The following LTBP1 variants were observed in gnomAD, a reference collection of about 807,000 sequenced individuals.
LTBP1 encodes latent transforming growth factor beta binding protein 1, also known as latent-transforming growth factor beta-binding protein 1.
In LTBP1, 129 loss-of-function variants were observed where a neutral mutation model predicts 207.6. The observed-to-expected ratio is 0.62, with a 90% CI of 0.54 to 0.72. The LOEUF is 0.72. LTBP1 is among the 30% of genes least tolerant of loss of function. The probability of loss-of-function intolerance (pLI) is 0.00; values close to 1 mark genes in which losing one functional copy is unlikely to be tolerated. For missense variants in LTBP1, 2,281 were observed against 2,217.2 expected (o/e 1.03, Z -0.58); for synonymous variants, 963 against 833.7 (o/e 1.16, Z -2.67).
chr2:33,206,293 A>G (rs2089865481), intron 7 of LTBP1, among the ~76,000 whole-genome samples: 1 of 152,224 alleles, frequency 6.6e-6, no homozygotes, highest in Admixed American at 6.5e-5. Context: ...TGTACTTGGA[A>G]GAGACACAGA....
chr2:32,998,470 C>G (rs867206919), intron 2 of LTBP1, among the ~76,000 whole-genome samples: 2 of 115,724 alleles, frequency 1.7e-5, no homozygotes, highest in African/African-American at 3.2e-5. Flanking sequence ...GAGCCAAGAT[C>G]GCCACTGCAC....
At chr2:33,245,299 C>G (rs531415272) in intron 10 of LTBP1, among the ~76,000 whole-genome samples, 2 of 152,094 alleles carry the variant, frequency 1.3e-5, no homozygotes, top group African/African-American at 2.4e-5. Flanking sequence ...TCATTTTTAA[C>G]GAAGCTTATC....
chr2:33,200,028 A>G (rs1406787700), intron 7 of LTBP1, among the ~76,000 whole-genome samples: 1 of 152,184 alleles, frequency 6.6e-6, no homozygotes, highest in Non-Finnish European at 1.5e-5. Context: ...AAGAATCAAT[A>G]TCGTGAAAAT....
chr2:33,099,183 A>G lies in LTBP1; in HGVS notation c.864-11399A>G, dbSNP rs1558634946. On this transcript the variant is annotated intron_variant, in intron 3 of 33. Coordinates refer to ENST00000404816, the MANE Select transcript of LTBP1 (RefSeq NM_206943.4). Reference sequence around the variant, plus strand: ...TTTTGTTTCAGCTGGATCAAGCCCTAAAAGGGGATTGGAACAGATGTTTGA... The same window carrying G: ...TTTTGTTTCAGCTGGATCAAGCCCTGAAAGGGGATTGGAACAGATGTTTGA... Among the ~76,000 whole-genome samples the G allele has an allele frequency of 1.3e-5, 2 of 152,218 alleles. 1 individual carries two copies. The highest frequency in any genetic ancestry group is 4.1e-4 in the South Asian group (2 of 4,828).
chr2:33,120,651 C>A (rs1466004006), intron 4 of LTBP1, among the ~76,000 whole-genome samples: 1 of 152,092 alleles, frequency 6.6e-6, no homozygotes, highest in East Asian at 1.9e-4. Context: ...AATGAACATT[C>A]ATTCACGTGC....
Position 33,293,858 on chromosome 2 carries a change from CT to C in LTBP1, c.3235+583del, listed in dbSNP as rs200146974. On this transcript the variant is annotated intron_variant, in intron 20 of 33. Transcript: ENST00000404816. ...TAAGTGTTTTACATTCCATTCATAA[CT>C]TTTTTTCAAACGTTATTTTTAGAGG... Among the ~76,000 whole-genome samples, 1,203 of 152,070 alleles carry C rather than the reference CT, an allele frequency of 7.9e-3. 13 individuals are homozygous for C. The highest frequency in any genetic ancestry group is 0.028 in the African/African-American group (1,151 of 41,478).
intron 31 of LTBP1, among the ~76,000 whole-genome samples, chr2:33,370,692 G>A (rs180908638): frequency 9.2e-5 from 14 of 152,234 alleles, no homozygotes; most frequent in East Asian, 5.8e-4. Flanking sequence ...TATCTTAATC[G>A]TTGAGAAGGA....
At chr2:33,322,892 T>C (rs2094376472) in intron 24 of LTBP1, among the ~76,000 whole-genome samples, 1 of 152,216 alleles carries the variant, frequency 6.6e-6, no homozygotes, top group African/African-American at 2.4e-5. Flanking sequence ...CTTTTTTCCT[T>C]TTGCTTTTTT....
intron 13 of LTBP1, among the ~76,000 whole-genome samples, chr2:33,262,072 C>G (rs867088621): frequency 6.6e-6 from 1 of 152,164 alleles, no homozygotes; most frequent in Non-Finnish European, 1.5e-5. Context: ...TGGACTGCTT[C>G]TTTGCTTGAG....
chr2:33,007,926 T>C (rs991889519), intron 2 of LTBP1, among the ~76,000 whole-genome samples: 2 of 152,254 alleles, frequency 1.3e-5, no homozygotes, highest in Non-Finnish European at 2.9e-5. Flanking sequence ...GCCACACAGC[T>C]AGTCAGTGTT....
rs573841131 is a variant in LTBP1, at chr2:33,006,128, T to C, written c.566-14781T>C. ...CTAGGAATACATAGTATTTAAGAGA[T>C]CGTGGCTTGGTCTCAAACTCCCTAC... On this transcript the variant is annotated intron_variant, in intron 2 of 33. Coordinates refer to ENST00000404816, the MANE Select transcript of LTBP1 (RefSeq NM_206943.4). Among the ~76,000 whole-genome samples, 4 of 151,772 alleles carry C rather than the reference T, an allele frequency of 2.6e-5. No individual in the cohort carries two copies. The East Asian group carries it at 7.8e-4, about 30-fold the overall frequency.
At position 33,222,061 on chromosome 2, in the gene LTBP1, A is replaced by C. The variant is rs375207158; in HGVS notation, c.1805-19A>C. On this transcript the variant is annotated intron_variant, in intron 8 of 33. Coordinates refer to ENST00000404816, the MANE Select transcript of LTBP1 (RefSeq NM_206943.4). ...TTGTAAGAATTTAAGTATGTAACAA[A>C]GCATTTCTTCCCTTACAGCTTATCA... The C allele has an allele frequency of 6.2e-5, 98 of 1,587,804 alleles. No homozygotes were observed. The highest frequency in any genetic ancestry group is 3.3e-4 in the Middle Eastern group (2 of 6,004).
intron 22 of LTBP1, among the ~76,000 whole-genome samples, chr2:33,305,472 A>G (rs906566878): frequency 6.6e-6 from 1 of 152,202 alleles, no homozygotes; most frequent in Non-Finnish European, 1.5e-5. Context: ...CGCTGGGATG[A>G]TAACACTTAA....
intron 7 of LTBP1, among the ~76,000 whole-genome samples, chr2:33,201,978 C>T (rs1216200903): frequency 6.7e-6 from 1 of 148,724 alleles, no homozygotes; most frequent in African/African-American, 2.5e-5. Flanking sequence ...TCTCTTTTGG[C>T]AGATATGTTC....
chr2:33,187,791 A>G (rs944321926), intron 6 of LTBP1, among the ~76,000 whole-genome samples: 1 of 152,260 alleles, frequency 6.6e-6, no homozygotes, highest in Non-Finnish European at 1.5e-5. Context: ...GAAGCACAAA[A>G]ATAACAGGTA....
chr2:33,121,465 G>A (rs1045643635), intron 4 of LTBP1, among the ~76,000 whole-genome samples: 5 of 152,048 alleles, frequency 3.3e-5, no homozygotes, highest in Admixed American at 3.3e-4. Context: ...TTCTTGTGTG[G>A]GATTGAGTGC....
At chr2:33,221,418 A>G (rs1474137963) in intron 8 of LTBP1, among the ~76,000 whole-genome samples, 1 of 152,162 alleles carries the variant, frequency 6.6e-6, no homozygotes, top group Non-Finnish European at 1.5e-5. Context: ...CTCAAGTCTC[A>G]CTCTAGAGTA....
chr2:32,947,938 C>A, intron 1 of LTBP1, 120 bp downstream of exon 1: 1 of 823,432 alleles, frequency 1.2e-6, no homozygotes, highest in South Asian at 6.1e-5. Context: ...CGCGGTGGGT[C>A]GGCTTTCTCC....
chr2:32,981,566 A>G (rs1682767563), intron 2 of LTBP1, among the ~76,000 whole-genome samples: 1 of 152,218 alleles, frequency 6.6e-6, no homozygotes, highest in Non-Finnish European at 1.5e-5. Flanking sequence ...AGGACTGGAA[A>G]GTAGAAGCTC....
Sources: allele counts gnomAD v4.1 joint callset (sites outside exome capture counted in the v4.1 genomes callset), GRCh38; gene constraint gnomAD v4.1.1; transcripts MANE v1.5; gene names NCBI Gene and HGNC (gene_info 2026-07-23, HGNC 2026-07-21).